The following SMAD9 variants were observed in gnomAD, a reference collection of about 807,000 sequenced individuals.
The protein encoded by SMAD9 is MAD homolog 9.
In SMAD9, 36 loss-of-function variants were observed where a neutral mutation model predicts 46.1. The observed-to-expected ratio is 0.78, with a 90% CI of 0.60 to 1.03. SMAD9 has a LOEUF of 1.03. Among genes scored for constraint, SMAD9 ranks in the 50% least tolerant of loss-of-function variants. The pLI is 0.00. For synonymous variants in SMAD9, 245 were observed against 237.1 expected, an observed-to-expected ratio of 1.03 and a Z score of -0.31; for missense variants, 572 against 599.8, an observed-to-expected ratio of 0.95 and a Z score of 0.48.
chr13:36,904,639 C>A lies in SMAD9; in HGVS notation c.-187+15477G>T, dbSNP rs1349517462. ...ACTGCTACTCATCCTTCAACCACAG[C>A]TCAGACATCCCAGGACTCTGTGACT... On this transcript the variant is annotated intron_variant, in intron 1 of 6. Coordinates refer to ENST00000379826, the MANE Select transcript of SMAD9 (RefSeq NM_001127217.3). Among the ~76,000 whole-genome samples, 4 of 152,346 alleles carry A rather than the reference C, an allele frequency of 2.6e-5. No individual in the cohort carries two copies. The East Asian group carries it at 7.7e-4, about 29-fold the overall frequency.
Position 36,853,628 on chromosome 13 carries a change from T to G in SMAD9, c.1051A>C (p.Ser351Arg). The G allele has an allele frequency of 6.2e-7, 1 of 1,614,074 alleles. No individual in the cohort carries two copies. Among genetic ancestry groups the G allele is most frequent in the Non-Finnish European group, 8.5e-7 (1 of 1,179,960 alleles). The stretch of plus-strand genomic sequence containing the variant: ...CTCTGCACAAAGATGCTGCTGTCAC[T>G]CACGCACTCGGCATACACCTCTCCC... ...VGGEVYAECVSDSSIFVQSRN... is the reference protein window; with the variant it reads ...VGGEVYAECVRDSSIFVQSRN... Residue 351 changes from serine to arginine, a missense_variant, in exon 6 of 7, where the codon AGT becomes CGT. Coordinates refer to ENST00000379826, the MANE Select transcript of SMAD9 (RefSeq NM_001127217.3).
intron 5 of SMAD9, among the ~76,000 whole-genome samples, chr13:36,861,012 A>C (rs1221627870): frequency 6.6e-6 from 1 of 152,180 alleles, no homozygotes; most frequent in African/African-American, 2.4e-5. Flanking sequence ...GGTCAAAGTC[A>C]TAAGTTCAGT....
At chr13:36,904,190 A>G (rs747347404) in intron 1 of SMAD9, among the ~76,000 whole-genome samples, 5 of 152,306 alleles carry the variant, frequency 3.3e-5, no homozygotes, top group Non-Finnish European at 5.9e-5. Flanking sequence ...GAAATTGTTA[A>G]GCAGAGGATG....
At chr13:36,861,632 A>T (rs1035576500) in intron 5 of SMAD9, among the ~76,000 whole-genome samples, 21 of 150,464 alleles carry the variant, frequency 1.4e-4, no homozygotes, top group African/African-American at 4.4e-4. Flanking sequence ...AAGAATTTTT[A>T]AAAATGATAT....
At chr13:36,882,760 CTTGT>C (rs2058414946) in intron 1 of SMAD9, among the ~76,000 whole-genome samples, 1 of 152,100 alleles carries the variant, frequency 6.6e-6, no homozygotes, top group African/African-American at 2.4e-5. Context: ...ATTTTCTATG[CTTGT>C]TTGTATGCTT....
At position 36,848,782 on chromosome 13, in the gene SMAD9, C is replaced by T; in HGVS notation, c.1298G>A (p.Ser433Asn). Reference protein sequence around the residue: ...GAEYHRQDVTSTPCWIEIHLH... With the variant: ...GAEYHRQDVTNTPCWIEIHLH... ...ATGAATCTCAATCCAGCAGGGGGTG[C>T]TGGTGACATCCTGGCGATGATACTC... Residue 433 changes from serine (S) to asparagine (N), a missense_variant, in exon 7 of 7, where the codon AGC becomes AAC. Coordinates refer to ENST00000379826, the MANE Select transcript of SMAD9 (RefSeq NM_001127217.3). The T allele has an allele frequency of 6.2e-7, 1 of 1,614,026 alleles. No individual in the cohort carries two copies. The highest frequency in any genetic ancestry group is 8.5e-7 in the Non-Finnish European group (1 of 1,179,938).
intron 1 of SMAD9, among the ~76,000 whole-genome samples, chr13:36,915,819 A>G (rs889845297): frequency 6.6e-6 from 1 of 152,220 alleles, no homozygotes; most frequent in Non-Finnish European, 1.5e-5. Flanking sequence ...TCTGAATTTA[A>G]ATTTTATATT....
At chr13:36,852,145 G>A (rs1181790696) in intron 6 of SMAD9, 1 of 959,642 alleles carries the variant, frequency 1.0e-6, no homozygotes, top group Non-Finnish European at 1.2e-6. Flanking sequence ...TCAAGCAGCT[G>A]TTTTTTAAAA....
At position 36,845,018 on chromosome 13, in the gene SMAD9, T is replaced by C. The variant is rs550580753; in HGVS notation, c.*3658A>G. On this transcript the variant is annotated 3_prime_UTR_variant, in exon 7 of 7. Coordinates refer to ENST00000379826, the MANE Select transcript of SMAD9 (RefSeq NM_001127217.3). ...ATGCTAGGATCACCTAAACTTGTCA[T>C]ACAGTTCTGCTATTAAAATCGTAAC... 2.0e-5 allele frequency: 3 copies of C among 152,288 alleles called. No homozygotes were observed. Among genetic ancestry groups the C allele is most frequent in the African/African-American group, 4.8e-5 (2 of 41,570 alleles). The allele number at this position is 152,288 out of a possible 1,614,324, so 9.4% of individuals were successfully genotyped here. A position where few individuals can be genotyped will look rare whatever the true frequency, so the allele number is the denominator to read the frequency against.
Position 36,879,393 on chromosome 13 carries a change from C to T in SMAD9, c.297G>A (p.Pro99=), listed in dbSNP as rs559936906. 2.7e-5 allele frequency: 43 copies of T among 1,614,062 alleles called. No homozygotes were observed. In the South Asian group the frequency reaches 3.5e-4, roughly 13 times the overall value. Residue 99 remains proline (P), a synonymous_variant, in exon 2 of 7, where the codon CCG becomes CCA. Coordinates refer to ENST00000379826, the MANE Select transcript of SMAD9 (RefSeq NM_001127217.3). ...HVIYCRVWRW[P]DLQSHHELKP... is the part of the protein sequence containing the mutation. ...TCAGCTCGTGGTGGGACTGCAGATC[C>T]GGCCAGCGCCACACGCGACAGTAAA...
At chr13:36,865,257 C>T (rs1229640537) in intron 5 of SMAD9, among the ~76,000 whole-genome samples, 6 of 152,116 alleles carry the variant, frequency 3.9e-5, no homozygotes, top group African/African-American at 7.2e-5. Flanking sequence ...TAATTTCATC[C>T]GGCTTTCTTC....
At chr13:36,892,164 G>A (rs1441014535) in intron 1 of SMAD9, among the ~76,000 whole-genome samples, 1 of 152,134 alleles carries the variant, frequency 6.6e-6, no homozygotes, top group Non-Finnish European at 1.5e-5. Flanking sequence ...ACTTAAACTG[G>A]AGCCACTCAG....
chr13:36,902,459 C>CTTTTTTTTTTTTTTTT (rs933954033), intron 1 of SMAD9, among the ~76,000 whole-genome samples: 1 of 145,034 alleles, frequency 6.9e-6, no homozygotes. Flanking sequence ...CTTTGTTCTT[C>CTTTTTTTTTTTTTTTT]TTTTTTTTTT....
intron 1 of SMAD9, among the ~76,000 whole-genome samples, chr13:36,887,963 G>GT (rs2058461033): frequency 6.6e-6 from 1 of 152,090 alleles, no homozygotes; most frequent in African/African-American, 2.4e-5. Flanking sequence ...GGAAGCAGAG[G>GT]TGTGTTCTGC....
intron 1 of SMAD9, among the ~76,000 whole-genome samples, chr13:36,892,207 T>C (rs888583603): frequency 4.6e-5 from 7 of 152,132 alleles, no homozygotes; most frequent in African/African-American, 4.8e-5. Flanking sequence ...CCTTACAAAG[T>C]CACGGAGGAT....
intron 1 of SMAD9, among the ~76,000 whole-genome samples, chr13:36,910,118 A>G (rs543195147): frequency 6.6e-6 from 1 of 151,712 alleles, no homozygotes; most frequent in East Asian, 1.9e-4. Context: ...AATGGCATGA[A>G]CCGGGGAGGC....
At chr13:36,889,647 T>C (rs886579753) in intron 1 of SMAD9, among the ~76,000 whole-genome samples, 2 of 152,212 alleles carry the variant, frequency 1.3e-5, no homozygotes, top group African/African-American at 4.8e-5. Flanking sequence ...ATGAAATCAA[T>C]TCTTCCTGCC....
intron 1 of SMAD9, among the ~76,000 whole-genome samples, chr13:36,888,624 T>C (rs557900075): frequency 5.9e-5 from 9 of 152,050 alleles, no homozygotes; most frequent in Middle Eastern, 3.2e-3. Context: ...TGCAAAAATA[T>C]CACTGCAATC....
intron 5 of SMAD9, among the ~76,000 whole-genome samples, chr13:36,856,036 G>T (rs1412996733): frequency 6.6e-6 from 1 of 152,160 alleles, no homozygotes; most frequent in Non-Finnish European, 1.5e-5. Flanking sequence ...GGGCCTAGGT[G>T]GTGGTGCCAG....
Sources: allele counts gnomAD v4.1 joint callset (sites outside exome capture counted in the v4.1 genomes callset), GRCh38; gene constraint gnomAD v4.1.1; transcripts MANE v1.5; gene names NCBI Gene and HGNC (gene_info 2026-07-23, HGNC 2026-07-21).